PDE4D: variants seen among roughly 807,000 people sequenced by gnomAD.
PDE4D encodes phosphodiesterase 4D, also known as 3',5'-cyclic-AMP phosphodiesterase 4D.
PDE4D carries 24 observed loss-of-function variants against 87.4 expected under a neutral mutation model. The observed-to-expected ratio is 0.27, with a 90% CI of 0.20 to 0.39. The LOEUF (loss-of-function observed/expected upper bound fraction) is 0.39, where lower values mean the gene tolerates loss of function less well. PDE4D is among the 10% of genes least tolerant of loss of function. The pLI is 1.00. For synonymous variants in PDE4D, 384 were observed against 383.2 expected (o/e 1.00, Z -0.02); for missense variants, 714 against 1,041.0 (o/e 0.69, Z 4.32).
chr5:60,158,701 C>T (rs2041762417), intron 2 of PDE4D, among the ~76,000 whole-genome samples: 2 of 152,062 alleles, frequency 1.3e-5, no homozygotes, highest in Admixed American at 6.5e-5. Context: ...CAGCTGGGAC[C>T]ACAGGCCCCC....
intron 1 of PDE4D, among the ~76,000 whole-genome samples, chr5:60,449,071 G>GCACACACA (rs35440197): frequency 8.7e-4 from 83 of 95,134 alleles, no homozygotes; most frequent in South Asian, 4.5e-3. Context: ...AACTGCCCGC[G>GCACACACA]CACACACACA....
chr5:59,061,906 C>A, intron 5 of PDE4D, among the ~76,000 whole-genome samples: 1 of 151,916 alleles, frequency 6.6e-6, no homozygotes, highest in Non-Finnish European at 1.5e-5. Context: ...TGAGTAGAGA[C>A]CTACCACCGA....
At chr5:60,104,390 A>G (rs569041914) in intron 2 of PDE4D, among the ~76,000 whole-genome samples, 8 of 152,328 alleles carry the variant, frequency 5.3e-5, no homozygotes, top group Admixed American at 3.3e-4. Context: ...ACCACAGCTC[A>G]AGGAGGCCTG....
chr5:60,293,376 T>C (rs2149777512), intron 1 of PDE4D, among the ~76,000 whole-genome samples: 1 of 152,072 alleles, frequency 6.6e-6, no homozygotes, highest in South Asian at 2.1e-4. Flanking sequence ...TCGCCTAGCA[T>C]GGTGGCACAC....
At position 59,104,043 on chromosome 5, in the gene PDE4D, T is replaced by C. The variant is rs74994459; in HGVS notation, c.809-65072A>G. ...ATTAGATAATATATGTTCGAGACTA[T>C]ATAGAACCTCAAAAATGTTAGCTGA... On this transcript the variant is annotated intron_variant, in intron 5 of 14. Transcript: ENST00000340635. 6.8e-4 allele frequency among the ~76,000 whole-genome samples: 104 copies of C among 152,364 alleles called. 1 individual carries two copies. The highest frequency in any genetic ancestry group is 2.4e-3 in the African/African-American group (101 of 41,594).
intron 1 of PDE4D, among the ~76,000 whole-genome samples, chr5:60,299,158 A>G (rs1220518919): frequency 6.6e-6 from 1 of 152,202 alleles, no homozygotes; most frequent in East Asian, 1.9e-4. Context: ...TAGGTTCAAA[A>G]TAGCTTCTGG....
At chr5:60,426,230 C>A (rs979676580) in intron 1 of PDE4D, among the ~76,000 whole-genome samples, 3 of 152,128 alleles carry the variant, frequency 2.0e-5, no homozygotes, top group African/African-American at 7.2e-5. Context: ...GACATGCACA[C>A]GTATGTCTAT....
chr5:59,796,733 T>C (rs1766525087), intron 1 of PDE4D, among the ~76,000 whole-genome samples: 1 of 152,254 alleles, frequency 6.6e-6, no homozygotes, highest in Non-Finnish European at 1.5e-5. Context: ...TCTTTGTATG[T>C]AATTCATTCT....
intron 1 of PDE4D, among the ~76,000 whole-genome samples, chr5:59,824,787 G>A (rs1233924277): frequency 6.6e-6 from 1 of 151,990 alleles, no homozygotes; most frequent in Non-Finnish European, 1.5e-5. Flanking sequence ...CACCTCACTA[G>A]AGCCTTATCA....
At chr5:59,725,853 G>A (rs771713921) in intron 1 of PDE4D, among the ~76,000 whole-genome samples, 2 of 151,848 alleles carry the variant, frequency 1.3e-5, no homozygotes, top group Admixed American at 1.3e-4. Context: ...AACAGATAAG[G>A]TCCCTAAAAG....
chr5:59,970,269 G>A (rs1581967030), intron 3 of PDE4D, among the ~76,000 whole-genome samples: 1 of 152,090 alleles, frequency 6.6e-6, no homozygotes, highest in Non-Finnish European at 1.5e-5. Context: ...AGAAAACCTA[G>A]GCAATACCAT....
chr5:59,738,521 C>T (rs937288362), intron 1 of PDE4D, among the ~76,000 whole-genome samples: 2 of 151,860 alleles, frequency 1.3e-5, no homozygotes, highest in Non-Finnish European at 2.9e-5. Context: ...CAAGAACATA[C>T]TCAAGAAAAG....
chr5:60,120,595 G>T (rs909244606), intron 2 of PDE4D, among the ~76,000 whole-genome samples: 1 of 152,172 alleles, frequency 6.6e-6, no homozygotes, highest in South Asian at 2.1e-4. Context: ...TCTTGTGTCA[G>T]GTGGGCAGCT....
intron 1 of PDE4D, among the ~76,000 whole-genome samples, chr5:59,501,511 G>A (rs1334542797): frequency 1.3e-5 from 2 of 152,144 alleles, no homozygotes; most frequent in Non-Finnish European, 2.9e-5. Flanking sequence ...ACAGAGGAAT[G>A]TATTAAATAC....
chr5:60,265,909 C>T (rs1450378523), intron 1 of PDE4D, among the ~76,000 whole-genome samples: 2 of 152,114 alleles, frequency 1.3e-5, no homozygotes, highest in Non-Finnish European at 2.9e-5. Flanking sequence ...GACATAAAGC[C>T]CCATTTACAT....
At chr5:59,030,366 G>A (rs1198571933) in intron 6 of PDE4D, among the ~76,000 whole-genome samples, 1 of 144,040 alleles carries the variant, frequency 6.9e-6, no homozygotes, top group Non-Finnish European at 1.5e-5. Flanking sequence ...ATTAGACAAA[G>A]GATCTGAATA....
At chr5:60,084,412 G>A (rs779998102) in intron 2 of PDE4D, among the ~76,000 whole-genome samples, 25 of 151,882 alleles carry the variant, frequency 1.6e-4, no homozygotes, top group East Asian at 1.4e-3. Flanking sequence ...GTGTGCGCGC[G>A]CGCGTGTGCG....
At chr5:59,118,580 T>A (rs1006530351) in intron 5 of PDE4D, among the ~76,000 whole-genome samples, 1 of 152,242 alleles carries the variant, frequency 6.6e-6, no homozygotes, top group African/African-American at 2.4e-5. Flanking sequence ...CTGTTGCAAC[T>A]ACACAGCAAC....
chr5:60,101,828 C>T (rs1461829211), intron 2 of PDE4D, among the ~76,000 whole-genome samples: 1 of 152,124 alleles, frequency 6.6e-6, no homozygotes, highest in Admixed American at 6.6e-5. Flanking sequence ...AGAGCAAACA[C>T]CCAAACACAC....
Sources: allele counts gnomAD v4.1 joint callset (sites outside exome capture counted in the v4.1 genomes callset), GRCh38; gene constraint gnomAD v4.1.1; transcripts MANE v1.5; gene names NCBI Gene and HGNC (gene_info 2026-07-23, HGNC 2026-07-21).